MCCC2: variants seen among roughly 807,000 people sequenced by gnomAD.
The protein encoded by MCCC2 is methylcrotonyl-CoA carboxylase subunit 2, also known as methylcrotonoyl-CoA carboxylase beta chain, mitochondrial.
In MCCC2, 52 loss-of-function variants were observed where a neutral mutation model predicts 77.2. The observed-to-expected ratio is 0.67, with a 90% confidence interval of 0.54 to 0.85. The LOEUF (loss-of-function observed/expected upper bound fraction) is 0.85. Among genes scored for constraint, MCCC2 ranks in the 40% least tolerant of loss-of-function variants. The pLI, the probability that MCCC2 is intolerant of heterozygous loss-of-function variation, is 0.00. For synonymous variants in MCCC2, 253 were observed against 248.4 expected (o/e 1.02, Z -0.18); for missense variants, 682 against 703.2 (o/e 0.97, Z 0.34).
chr5:71,652,861 G>A, intron 16 of MCCC2, 107 bp downstream of exon 16: 1 of 953,278 alleles, frequency 1.0e-6, no homozygotes, highest in African/African-American at 1.6e-5. Context: ...CATAGGAACT[G>A]GAAAATAACA....
intron 1 of MCCC2, among the ~76,000 whole-genome samples, chr5:71,589,240 T>C (rs1744878002): frequency 6.6e-6 from 1 of 152,264 alleles, no homozygotes; most frequent in Non-Finnish European, 1.5e-5. Context: ...CAAAGAAGGC[T>C]TTGGTGATGG....
At chr5:71,640,386 T>A (rs1217574135) in intron 10 of MCCC2, among the ~76,000 whole-genome samples, 1 of 147,500 alleles carries the variant, frequency 6.8e-6, no homozygotes, top group Non-Finnish European at 1.5e-5. Flanking sequence ...TTTTACATTT[T>A]TTTTTTTTTT....
At chr5:71,594,103 G>A (rs1342181840) in intron 2 of MCCC2, among the ~76,000 whole-genome samples, 1 of 152,190 alleles carries the variant, frequency 6.6e-6, no homozygotes, top group Non-Finnish European at 1.5e-5. Context: ...TTAGATCAAG[G>A]TGTTGTCTCC....
In MCCC2 at chr5:71,609,267, C is replaced by G. The variant is rs59934352; in HGVS notation, c.624+4799C>G. Among the ~76,000 whole-genome samples, 1,433 of 149,734 alleles carry G rather than the reference C, an allele frequency of 9.6e-3. 25 individuals are homozygous for G. Among genetic ancestry groups the G allele is most frequent in the African/African-American group, 0.033 (1,347 of 41,026 alleles). The stretch of plus-strand genomic sequence containing the variant: ...TATTTCTTGGAGGCTTTGCTCATTT[C>G]TTTTTATTCTTTTTTCTCTAAACTT... On this transcript the variant is annotated intron_variant, in intron 6 of 16. Transcript: ENST00000340941.
intron 3 of MCCC2, among the ~76,000 whole-genome samples, chr5:71,597,393 A>T (rs569477663): frequency 5.6e-4 from 85 of 152,284 alleles, no homozygotes; most frequent in Admixed American, 1.1e-3. Flanking sequence ...GGAGATGATT[A>T]TGATCTGACA....
intron 12 of MCCC2, 115 bp downstream of exon 12, chr5:71,644,010 A>C: frequency 1.6e-6 from 2 of 1,233,382 alleles, no homozygotes; most frequent in Non-Finnish European, 2.3e-6. Context: ...TGCCTCAGCA[A>C]CCAGAACACT....
chr5:71,638,145 A>G lies in MCCC2; in HGVS notation c.1000-2858A>G, dbSNP rs549006023. Among the ~76,000 whole-genome samples the G allele has an allele frequency of 1.2e-4, 18 of 152,322 alleles. No individual in the cohort carries two copies. The South Asian group carries it at 3.5e-3, about 30-fold the overall frequency. ...AGCATCTTCACCAGGAGTACATTCT[A>G]TCTCAAGAAACTTCTTTTTTTGCTC... On this transcript the variant is annotated intron_variant, in intron 10 of 16. Transcript: ENST00000340941.
At chr5:71,645,503 G>C (rs147598566) in intron 12 of MCCC2, among the ~76,000 whole-genome samples, 1,524 of 152,264 alleles carry the variant, frequency 0.01, 21 homozygotes, top group African/African-American at 0.035. Flanking sequence ...CCATTTATCT[G>C]GGGAATGTTG....
chr5:71,596,041 T>G lies in MCCC2; in HGVS notation c.197-239T>G, dbSNP rs375428872. 9.9e-5 allele frequency among the ~76,000 whole-genome samples: 15 copies of G among 152,220 alleles called. 1 individual carries two copies. Among genetic ancestry groups the G allele is most frequent in the African/African-American group, 3.6e-4 (15 of 41,562 alleles). ...TGTAACTACTAGTGAATTCAGAACA[T>G]AGACTCTAGGATATACTCTAAAATC... On this transcript the variant is annotated intron_variant, in intron 2 of 16. Transcript: ENST00000340941.
chr5:71,587,637 C>A, intron 1 of MCCC2, 83 bp downstream of exon 1: 1 of 1,485,938 alleles, frequency 6.7e-7, no homozygotes, highest in Middle Eastern at 1.9e-4. Flanking sequence ...ACAACTGCTG[C>A]TCTCTTGTCC....
chr5:71,610,273 C>T (rs1366037541), intron 6 of MCCC2, among the ~76,000 whole-genome samples: 6 of 152,162 alleles, frequency 3.9e-5, no homozygotes, highest in East Asian at 1.9e-4. Flanking sequence ...TCTCCTGGTG[C>T]GCCGTTTTTT....
At chr5:71,623,415 T>TA (rs1746425130) in intron 6 of MCCC2, among the ~76,000 whole-genome samples, 1 of 152,188 alleles carries the variant, frequency 6.6e-6, no homozygotes, top group Admixed American at 6.5e-5. Context: ...GCCTGTTTCT[T>TA]ACGAGCTGCT....
At chr5:71,587,647 C>T (rs1561813906) in intron 1 of MCCC2, 93 bp downstream of exon 1, 2 of 1,464,716 alleles carry the variant, frequency 1.4e-6, no homozygotes, top group Non-Finnish European at 9.2e-7. Context: ...CTCTCTTGTC[C>T]GGAGCCCCAG....
Position 71,635,177 on chromosome 5 carries a change from T to G in MCCC2, c.930T>G (p.Pro310=), listed in dbSNP as rs1165188920. The G allele has an allele frequency of 6.2e-7, 1 of 1,614,072 alleles. No homozygotes were observed. The highest frequency in any genetic ancestry group is 1.3e-5 in the African/African-American group (1 of 74,950). ...LDVTIEPSEE[P]LFPADELYGI... ...TCACCATTGAACCTTCTGAAGAGCC[T>G]TTATTTCCTGCTGATGAATTGTATG... The change falls in exon 10 of 17, where the codon CCT becomes CCG. Residue 310 remains proline (P), a synonymous_variant. Transcript: ENST00000340941.
At chr5:71,653,800 G>A (rs987794087) in intron 16 of MCCC2, among the ~76,000 whole-genome samples, 3 of 149,584 alleles carry the variant, frequency 2.0e-5, no homozygotes, top group African/African-American at 4.9e-5. Context: ...GCAGTGAGCC[G>A]AGATCATGCC....
chr5:71,651,513 C>T (rs1220936926), intron 15 of MCCC2, among the ~76,000 whole-genome samples: 1 of 152,170 alleles, frequency 6.6e-6, no homozygotes. Context: ...TGCTTAGGTA[C>T]ACTGTTGTCT....
chr5:71,633,879 A>G (rs184023662), intron 8 of MCCC2, among the ~76,000 whole-genome samples: 84 of 152,348 alleles, frequency 5.5e-4, no homozygotes, highest in Middle Eastern at 3.4e-3. Context: ...CAGTCATAAC[A>G]TGATAAAATG....
At chr5:71,627,349 A>G (rs1387898334) in intron 7 of MCCC2, among the ~76,000 whole-genome samples, 2 of 152,164 alleles carry the variant, frequency 1.3e-5, no homozygotes, top group African/African-American at 2.4e-5. Context: ...TTTTTTGGGT[A>G]TATACCTGGA....
chr5:71,599,953 G>A (rs182063739), intron 4 of MCCC2, among the ~76,000 whole-genome samples, 193 bp downstream of exon 4: 136 of 152,262 alleles, frequency 8.9e-4, no homozygotes, highest in Non-Finnish European at 1.6e-3. Flanking sequence ...ATCACCTGAG[G>A]TCAGGAGTTT....
Sources: gnomAD v4.1 joint callset for allele counts (sites outside exome capture counted in the v4.1 genomes callset) on GRCh38, gnomAD v4.1.1 for gene constraint, MANE v1.5 for transcripts, NCBI Gene and HGNC (gene_info 2026-07-23, HGNC 2026-07-21) for gene names.